The following FOXP3 variants were observed in gnomAD, a reference collection of about 807,000 sequenced individuals.
FOXP3 encodes forkhead box P3, also known as forkhead box protein P3.
In FOXP3, 5 loss-of-function variants were observed where a neutral mutation model predicts 31.2. The observed-to-expected ratio is 0.16, with a 90% confidence interval of 0.08 to 0.34. The LOEUF is 0.34. Ranked by LOEUF, FOXP3 falls within the 10% of genes least tolerant of loss-of-function variation. FOXP3 has a pLI of 1.00. For synonymous variants in FOXP3, 141 were observed against 148.8 expected (o/e 0.95, Z 0.38); for missense variants, 251 against 363.0 (o/e 0.69, Z 2.51).
intron 11 of FOXP3, 40 bp from the exon 12 acceptor site, chrX:49,251,523 C>T (rs781940994): frequency 1.1e-5 from 13 of 1,209,729 alleles, no homozygotes; most frequent in South Asian, 1.8e-5. Flanking sequence ...GGGCGTCAAC[C>T]TCTGAGGCCA....
chrX:49,262,901 C>G (rs2066118363), intron 1 of FOXP3, among the ~76,000 whole-genome samples: 1 of 110,908 alleles, frequency 9.0e-6, no homozygotes, highest in Non-Finnish European at 1.9e-5. Context: ...ATCTCATTTT[C>G]AAGTAGGAAA....
chrX:49,258,558 C>T (rs781881662), intron 1 of FOXP3, 31 bp from the exon 2 acceptor site: 22 of 1,061,495 alleles, frequency 2.1e-5, no homozygotes, highest in South Asian at 7.0e-5. Flanking sequence ...AGGAGTCACA[C>T]GTGTGCTAGG....
At position 49,255,495 on chromosome X, in the gene FOXP3, C is replaced by T; in HGVS notation, c.750G>A (p.Lys250=). The change falls in exon 8 of 12, where the codon AAG becomes AAA. Residue 250 remains lysine, a synonymous_variant. Transcript: ENST00000376207. ...GGGCCTGCATGGCACTCAGCTTCTC[C>T]TTCTCCAGCACCAGCTGTGAAATGG... ...QSLEQQLVLE[K]EKLSAMQAHL... 8.3e-7 allele frequency: 1 copy of T among 1,198,772 alleles called. No individual in the cohort carries two copies.
chrX:49,254,094 C>G, intron 8 of FOXP3, 27 bp from the exon 9 acceptor site: 15 of 1,201,067 alleles, frequency 1.2e-5, no homozygotes, highest in Non-Finnish European at 1.6e-5. Flanking sequence ...GGCTGGTGAC[C>G]CAGAGGCTTA....
At chrX:49,252,605 A>G (rs1306206384) in intron 10 of FOXP3, among the ~76,000 whole-genome samples, 5 of 109,344 alleles carry the variant, frequency 4.6e-5, no homozygotes, top group Admixed American at 2.0e-4. Flanking sequence ...GCTGAGATGA[A>G]GGAGTTGGGA....
intron 11 of FOXP3, 77 bp from the exon 12 acceptor site, chrX:49,251,560 C>A (rs782758976): frequency 8.3e-7 from 1 of 1,208,302 alleles, no homozygotes; most frequent in Admixed American, 2.2e-5. Flanking sequence ...ACCCACATCC[C>A]GTTCCTCCCC....
chrX:49,262,988 T>C (rs2066118677), intron 1 of FOXP3, among the ~76,000 whole-genome samples: 1 of 111,057 alleles, frequency 9.0e-6, no homozygotes, highest in Non-Finnish European at 1.9e-5. Context: ...AAAACCATCA[T>C]AAGCATCACA....
In FOXP3 at chrX:49,257,477, G is replaced by T. The variant is rs1602686569; in HGVS notation, c.404C>A (p.Thr135Asn). 1 of 1,148,261 alleles carries T rather than the reference G, an allele frequency of 8.7e-7. No homozygotes were observed. Among genetic ancestry groups the T allele is most frequent in the East Asian group, 3.0e-5 (1 of 33,129 alleles). 94.6% of individuals were successfully genotyped at this position (1,148,261 alleles called of 1,213,427 possible). The change falls in exon 4 of 12, where the codon ACC becomes AAC. Residue 135 changes from threonine (T) to asparagine (N), a missense_variant. Transcript: ENST00000376207. The stretch of plus-strand genomic sequence containing the variant: ...GAGGGAGAAGACCCCAGTGGCGGTG[G>T]TGGGTGGTGTGAGGCTGATCATGGC... ...SPAMISLTPP[T>N]TATGVFSLKA...
intron 1 of FOXP3, among the ~76,000 whole-genome samples, chrX:49,262,822 T>C (rs892519493): frequency 7.2e-5 from 8 of 111,409 alleles, no homozygotes; most frequent in Non-Finnish European, 1.1e-4. Flanking sequence ...ACCCACACTC[T>C]TAACCTCTAT....
intron 1 of FOXP3, among the ~76,000 whole-genome samples, chrX:49,258,763 C>T (rs946527186): frequency 9.0e-6 from 1 of 111,692 alleles, no homozygotes; most frequent in Non-Finnish European, 1.9e-5. Context: ...AGAGGTCCAG[C>T]ACCTGGCTTG....
At chrX:49,259,123 G>C (rs950932949) in intron 1 of FOXP3, 2 of 518,343 alleles carry the variant, frequency 3.9e-6, no homozygotes, top group African/African-American at 2.3e-5. Context: ...TCTGAAGCTG[G>C]ATCAGGAGCA....
In FOXP3 at chrX:49,250,560, G is replaced by C; in HGVS notation, c.*774C>G. ...ATGGATCAGGGCTCAGGGAATGGGA[G>C]TGAGGTGAGTGGCAGGGGAGACACG... On this transcript the variant is annotated 3_prime_UTR_variant, in exon 12 of 12. Transcript: ENST00000376207. The C allele has an allele frequency of 2.4e-6, 1 of 414,076 alleles. No homozygotes were observed. Among genetic ancestry groups the C allele is most frequent in the Non-Finnish European group, 4.4e-6 (1 of 225,279 alleles). The allele number at this position is 414,076 out of a possible 1,213,427, so 34.1% of individuals were successfully genotyped here. A position where few individuals can be genotyped will look rare whatever the true frequency, so the allele number is the denominator to read the frequency against.
At position 49,254,189 on chromosome X, in the gene FOXP3, T is replaced by G. The variant is rs782222053; in HGVS notation, c.817-122A>C. The stretch of plus-strand genomic sequence containing the variant: ...CTCTGTCGCCCAGGCTGGAGTGCAG[T>G]GGTGCAATCTCGGCTCACTGCAACC... On this transcript the variant is annotated intron_variant, in intron 8 of 11. Coordinates refer to ENST00000376207, the MANE Select transcript of FOXP3 (RefSeq NM_014009.4). 30 of 849,617 alleles carry G rather than the reference T, an allele frequency of 3.5e-5. No individual in the cohort carries two copies. The African/African-American group carries it at 5.3e-4, about 15-fold the overall frequency. The allele number at this position is 849,617 out of a possible 1,213,427, so 70.0% of individuals were successfully genotyped here. A position where few individuals can be genotyped will look rare whatever the true frequency, so the allele number is the denominator to read the frequency against.
At chrX:49,255,641 G>C in intron 7 of FOXP3, 74 bp downstream of exon 7, 3 of 1,125,166 alleles carry the variant, frequency 2.7e-6, no homozygotes, top group Non-Finnish European at 3.6e-6. Flanking sequence ...AGGTGAACTT[G>C]GTTTCTGGCA....
rs2147946014 is a variant in FOXP3 at position 49,253,986 on chromosome X, C to T, written c.898G>A (p.Glu300Lys). The change falls in exon 9 of 12, where the codon GAG becomes AAG. Residue 300 changes from glutamate (E) to lysine (K), a missense_variant. By Grantham distance (56) the Glu-to-Lys change is moderately conservative. Around this residue, in one of 4 missense-constraint regions of FOXP3, gnomAD observed 57 missense variants for 60.9 expected, o/e 0.94. Coordinates refer to ENST00000376207, the MANE Select transcript of FOXP3 (RefSeq NM_014009.4). ...PVVPAWSGPR[E>K]APDSLFAVRR... The stretch of plus-strand genomic sequence containing the variant: ...ACAGCAAACAGGCTGTCAGGGGCCT[C>T]CCGGGGGCCAGACCAGGCTGGGACG... 1 of 1,210,687 alleles carries T rather than the reference C, an allele frequency of 8.3e-7. No homozygotes were observed. Among genetic ancestry groups the T allele is most frequent in the Non-Finnish European group, 1.1e-6 (1 of 895,055 alleles).
chrX:49,257,691 G>T lies in FOXP3; in HGVS notation c.288C>A (p.Leu96=), dbSNP rs942280481. The change falls in exon 3 of 12, where the codon CTC becomes CTA. Residue 96 remains leucine (L), a synonymous_variant. Coordinates refer to ENST00000376207, the MANE Select transcript of FOXP3 (RefSeq NM_014009.4). ...LGPLPHLQAL[L]QDRPHFMHQL... is the part of the protein sequence containing the mutation. ...GGTGCATGAAATGTGGCCTGTCCTG[G>T]AGGAGTGCCTGTAAGTGGGGCAAGG... 1 of 1,182,557 alleles carries T rather than the reference G, an allele frequency of 8.5e-7. No homozygotes were observed. Among genetic ancestry groups the T allele is most frequent in the Non-Finnish European group, 1.1e-6 (1 of 880,025 alleles).
intron 1 of FOXP3, among the ~76,000 whole-genome samples, chrX:49,264,277 G>C (rs1207180964): frequency 9.0e-6 from 1 of 111,344 alleles, no homozygotes; most frequent in African/African-American, 3.3e-5. Context: ...AGACAGAGAA[G>C]GATGAGAGGC....
At chrX:49,253,091 C>T (rs2066044256) in intron 10 of FOXP3, 35 bp downstream of exon 10, 1 of 1,176,459 alleles carries the variant, frequency 8.5e-7, no homozygotes, top group Middle Eastern at 2.3e-4. Context: ...CCATCTTTGT[C>T]TTCCTCCTCC....
intron 9 of FOXP3, 97 bp downstream of exon 9, chrX:49,253,820 T>C (rs781857801): frequency 9.8e-7 from 1 of 1,024,004 alleles, no homozygotes; most frequent in Non-Finnish European, 1.4e-6. Flanking sequence ...GTGGTGGTGG[T>C]GGGAAGGGGC....
Sources: allele counts gnomAD v4.1 joint callset (sites outside exome capture counted in the v4.1 genomes callset), GRCh38; gene constraint gnomAD v4.1.1; regional missense constraint gnomAD v4.1.1; transcripts MANE v1.5; gene names NCBI Gene and HGNC (gene_info 2026-07-23, HGNC 2026-07-21).